UBR1: variants seen among roughly 807,000 people sequenced by gnomAD.
UBR1 encodes the protein ubiquitin protein ligase E3 component n-recognin 1.
Under a neutral mutation model 242.1 loss-of-function variants are expected in UBR1, and 102 were observed. The observed-to-expected ratio is 0.42, with a 90% CI of 0.36 to 0.50. The LOEUF (loss-of-function observed/expected upper bound fraction) is 0.50. UBR1 is among the 20% of genes least tolerant of loss of function. The probability of loss-of-function intolerance (pLI) is 0.01; values close to 1 mark genes in which losing one functional copy is unlikely to be tolerated. For missense variants in UBR1, 1,772 were observed against 2,101.8 expected (o/e 0.84, Z 3.07); for synonymous variants, 675 against 684.8 (o/e 0.99, Z 0.22).
chr15:43,092,988 C>G (rs977970145), intron 1 of UBR1, among the ~76,000 whole-genome samples: 7 of 151,906 alleles, frequency 4.6e-5, no homozygotes, highest in African/African-American at 1.7e-4. Flanking sequence ...TAAAATTTTC[C>G]CCCATTTTCA....
intron 39 of UBR1, among the ~76,000 whole-genome samples, chr15:42,972,451 C>T (rs975750846): frequency 2.0e-5 from 3 of 152,020 alleles, no homozygotes; most frequent in Non-Finnish European, 1.5e-5. Context: ...TCACTGCAAC[C>T]CCCGCCTCCT....
At chr15:43,012,981 C>A (rs1398515269) in intron 29 of UBR1, among the ~76,000 whole-genome samples, 3 of 152,184 alleles carry the variant, frequency 2.0e-5, no homozygotes, top group African/African-American at 7.2e-5. Flanking sequence ...TCTCTGCTCA[C>A]TACAACCCCT....
Position 42,988,984 on chromosome 15 carries a change from A to G in UBR1, c.3849-17T>C. Reference sequence around the variant, plus strand: ...TATTTAATCCTATAAATAAAACAAGAAAATTTGTATGATTTAGTAAAAGGA... The same window carrying G: ...TATTTAATCCTATAAATAAAACAAGGAAATTTGTATGATTTAGTAAAAGGA... On this transcript the variant is annotated splice_polypyrimidine_tract_variant and intron_variant, in intron 34 of 46. Transcript: ENST00000290650. The G allele has an allele frequency of 2.5e-6, 4 of 1,582,154 alleles. No homozygotes were observed. The highest frequency in any genetic ancestry group is 3.5e-6 in the Non-Finnish European group (4 of 1,152,134).
intron 8 of UBR1, 89 bp downstream of exon 8, chr15:43,059,610 ACTT>A: frequency 2.1e-6 from 3 of 1,420,168 alleles, no homozygotes; most frequent in African/African-American, 1.5e-5. Flanking sequence ...AAAAAGAAAA[ACTT>A]TATTTCATAC....
chr15:43,015,310 C>G (rs1214963668), intron 29 of UBR1, among the ~76,000 whole-genome samples: 1 of 152,094 alleles, frequency 6.6e-6, no homozygotes, highest in African/African-American at 2.4e-5. Flanking sequence ...AAAAATTCTT[C>G]TGCCTTGGGA....
chr15:43,030,255 T>C (rs958443503), intron 20 of UBR1, among the ~76,000 whole-genome samples, 187 bp from the exon 21 acceptor site: 2 of 152,208 alleles, frequency 1.3e-5, no homozygotes, highest in Non-Finnish European at 2.9e-5. Context: ...GGCAGAAAAC[T>C]GTGACCTGAA....
rs538896561 is a variant in UBR1 at position 43,001,131 on chromosome 15, C to A, written c.3659+1424G>T. Among the ~76,000 whole-genome samples the A allele has an allele frequency of 2.1e-4, 32 of 151,786 alleles. No individual in the cohort carries two copies. The East Asian group carries it at 3.9e-3, about 18-fold the overall frequency. ...TTCAGGCGTGAGGCACTGTGCCCAG[C>A]CAAGGTTAGAGCAATTCTTTTTTTT... On this transcript the variant is annotated intron_variant, in intron 32 of 46. Transcript: ENST00000290650.
In UBR1 at chr15:42,977,921, C is replaced by G. The variant is rs754037799; in HGVS notation, c.4177G>C (p.Asp1393His). 1 of 1,613,234 alleles carries G rather than the reference C, an allele frequency of 6.2e-7. No homozygotes were observed. Among genetic ancestry groups the G allele is most frequent in the South Asian group, 1.1e-5 (1 of 91,054 alleles). Residue 1393 changes from aspartate (D) to histidine (H), a missense_variant, in exon 38 of 47, where the codon GAT becomes CAT. Asp to His is a moderately conservative substitution (Grantham distance 81). This residue lies in a region of UBR1 where 965 missense variants were observed against 1,079.7 expected (regional missense o/e 0.89). Transcript: ENST00000290650. ...SVVLPNIKSE[D>H]TPCLLSIDLF... ...TCTATAGACAGAAGGCATGGTGTATCTTCTGATTTTATGTTAGGAAGAACA... is the reference window on the plus strand; with the variant it reads ...TCTATAGACAGAAGGCATGGTGTATGTTCTGATTTTATGTTAGGAAGAACA...
Position 43,059,125 on chromosome 15 carries a change from G to A in UBR1, c.1053C>T (p.Leu351=). The change falls in exon 9 of 47, where the codon CTC becomes CTT. Residue 351 remains leucine, a synonymous_variant. Transcript: ENST00000290650. ...CATCCCAAAGCATTAACCTGCTTAT[G>A]AGACAGGGATTCTCCGAGTCAGGTT... is the stretch of plus-strand genomic sequence containing the variant. The part of the protein sequence containing the change: ...REEPDSENPC[L]ISRLMLWDAK... 1 of 1,614,110 alleles carries A rather than the reference G, an allele frequency of 6.2e-7. No homozygotes were observed. The highest frequency in any genetic ancestry group is 8.5e-7 in the Non-Finnish European group (1 of 1,180,018).
At chr15:43,012,525 C>A (rs1048063522) in intron 29 of UBR1, among the ~76,000 whole-genome samples, 2 of 152,160 alleles carry the variant, frequency 1.3e-5, no homozygotes, top group South Asian at 4.2e-4. Flanking sequence ...AGAACACATT[C>A]AAAAATCACA....
chr15:42,986,707 A>T (rs559693337), intron 35 of UBR1, among the ~76,000 whole-genome samples: 2 of 152,290 alleles, frequency 1.3e-5, no homozygotes, highest in South Asian at 4.1e-4. Context: ...ACAGGTTTGG[A>T]TGTGACTTTT....
chr15:43,053,627 C>T (rs1335412846), intron 12 of UBR1, among the ~76,000 whole-genome samples: 5 of 152,130 alleles, frequency 3.3e-5, no homozygotes, highest in African/African-American at 1.2e-4. Context: ...GGATCCCGCT[C>T]TGTTGCCCAG....
intron 6 of UBR1, among the ~76,000 whole-genome samples, chr15:43,062,982 G>A (rs2033706847): frequency 6.6e-6 from 1 of 152,068 alleles, no homozygotes. Flanking sequence ...AGAACTACAA[G>A]TGTGTATCTT....
At chr15:43,025,304 C>A in intron 24 of UBR1, 77 bp downstream of exon 24, 1 of 1,453,220 alleles carries the variant, frequency 6.9e-7, no homozygotes, top group Non-Finnish European at 9.5e-7. Context: ...CCAACAACAA[C>A]AAAAAACTAT....
At chr15:42,946,098 C>G (rs1283622470) in intron 46 of UBR1, among the ~76,000 whole-genome samples, 1 of 152,164 alleles carries the variant, frequency 6.6e-6, no homozygotes, top group Non-Finnish European at 1.5e-5. Context: ...ATTCAAGTCT[C>G]TCAGCTGGTT....
intron 3 of UBR1, among the ~76,000 whole-genome samples, chr15:43,078,143 A>T (rs1247829764): frequency 3.3e-5 from 5 of 152,180 alleles, no homozygotes; most frequent in African/African-American, 1.2e-4. Context: ...GTCACCCCCA[A>T]AAGAGAAAGC....
At chr15:42,965,150 G>T (rs1466700154) in intron 41 of UBR1, among the ~76,000 whole-genome samples, 1 of 152,126 alleles carries the variant, frequency 6.6e-6, no homozygotes. Flanking sequence ...ACAAGACCAT[G>T]AAAAACCTAG....
At chr15:43,024,734 A>G in intron 25 of UBR1, 95 bp downstream of exon 25, 2 of 1,549,582 alleles carry the variant, frequency 1.3e-6, no homozygotes, top group Admixed American at 1.7e-5. Context: ...CCGGTGCTCT[A>G]GATGTGGTTC....
rs754710435 is a variant in UBR1 at position 43,017,209 on chromosome 15, GAGTT to G, written c.2941-32_2941-29del. The G allele has an allele frequency of 3.1e-5, 47 of 1,539,818 alleles. No homozygotes were observed. The African/African-American group carries it at 6.3e-4, about 20-fold the overall frequency. The stretch of plus-strand genomic sequence containing the variant: ...GTGAAAAACAGATGAAACGTTAAAA[GAGTT>G]AGTTAGACTGTTAGACCGACCAGGA... On this transcript the variant is annotated intron_variant, in intron 27 of 46. Coordinates refer to ENST00000290650, the MANE Select transcript of UBR1 (RefSeq NM_174916.3).
Sources: allele counts gnomAD v4.1 joint callset (sites outside exome capture counted in the v4.1 genomes callset), GRCh38; gene constraint gnomAD v4.1.1; regional missense constraint gnomAD v4.1.1; transcripts MANE v1.5; gene names NCBI Gene and HGNC (gene_info 2026-07-23, HGNC 2026-07-21).